The following RFX3 variants were observed in gnomAD, a reference collection of about 807,000 sequenced individuals.
The protein encoded by RFX3 is transcription factor RFX3.
A neutral mutation model predicts 98.6 loss-of-function variants in RFX3; 14 were observed. The ratio of observed to expected loss-of-function variants is 0.14; its 90% CI spans 0.09 to 0.22. The LOEUF (loss-of-function observed/expected upper bound fraction) is 0.22, where lower values mean the gene tolerates loss of function less well. Ranked by LOEUF, RFX3 falls within the 10% of genes least tolerant of loss-of-function variation. RFX3 has a pLI of 1.00. For synonymous variants in RFX3, 383 were observed against 328.4 expected (o/e 1.17, Z -1.80); for missense variants, 639 against 926.9 (o/e 0.69, Z 4.03).
At chr9:3,314,004 T>C (rs1391677381) in intron 4 of RFX3, among the ~76,000 whole-genome samples, 2 of 150,096 alleles carry the variant, frequency 1.3e-5, no homozygotes, top group African/African-American at 4.9e-5. Flanking sequence ...AACATTCAAA[T>C]TCAGGAAATA....
At chr9:3,482,935 T>C (rs1326619352) in intron 1 of RFX3, among the ~76,000 whole-genome samples, 4 of 152,144 alleles carry the variant, frequency 2.6e-5, no homozygotes, top group African/African-American at 9.6e-5. Context: ...CACAGTATAA[T>C]GGGAATTCTC....
chr9:3,382,759 ATT>A (rs1839324165), intron 2 of RFX3, among the ~76,000 whole-genome samples: 1 of 152,048 alleles, frequency 6.6e-6, no homozygotes, highest in African/African-American at 2.4e-5. Flanking sequence ...CTTGATAGTA[ATT>A]TTCAGGACAA....
At chr9:3,432,773 C>T (rs984797267) in intron 1 of RFX3, among the ~76,000 whole-genome samples, 1 of 152,102 alleles carries the variant, frequency 6.6e-6, no homozygotes, top group Admixed American at 6.6e-5. Flanking sequence ...GACAATATGG[C>T]AGAAGGGTTC....
chr9:3,288,034 C>A (rs138500861), intron 7 of RFX3, 97 bp downstream of exon 7: 1 of 1,120,712 alleles, frequency 8.9e-7, no homozygotes. Context: ...ACAATAAGAA[C>A]GTTCTTTTAT....
chr9:3,362,283 T>C (rs940723581), intron 2 of RFX3, among the ~76,000 whole-genome samples: 1 of 152,214 alleles, frequency 6.6e-6, no homozygotes, highest in African/African-American at 2.4e-5. Flanking sequence ...AAGAATGTGA[T>C]GAATGTCAAA....
intron 16 of RFX3, among the ~76,000 whole-genome samples, chr9:3,225,932 T>C (rs1348287003): frequency 2.0e-5 from 3 of 152,222 alleles, no homozygotes; most frequent in African/African-American, 7.2e-5. Flanking sequence ...ATACTGTTAA[T>C]AGCTGGTATT....
chr9:3,474,992 G>A (rs921551962), intron 1 of RFX3, among the ~76,000 whole-genome samples: 2 of 151,816 alleles, frequency 1.3e-5, no homozygotes, highest in African/African-American at 2.4e-5. Flanking sequence ...CTAGCTACTC[G>A]GGAGGCTGAG....
intron 1 of RFX3, among the ~76,000 whole-genome samples, chr9:3,398,914 TAAAAAAAAAA>T (rs71324247): frequency 1.8e-4 from 12 of 67,564 alleles, no homozygotes; most frequent in East Asian, 1.4e-3. Flanking sequence ...TAGAGTATAA[TAAAAAAAAAA>T]AAAAAAAAAA....
rs80332759 is a variant in RFX3 at position 3,346,926 on chromosome 9, G to T, written c.118-162C>A. The stretch of plus-strand genomic sequence containing the variant: ...TGTCATAGTTTCAAGATAAGCATGT[G>T]TTGATTCCAGAGCAACTGCAACATT... On this transcript the variant is annotated intron_variant, in intron 2 of 16. Transcript: ENST00000617270. Among the ~76,000 whole-genome samples, 1,167 of 152,312 alleles carry T rather than the reference G, an allele frequency of 7.7e-3. 10 individuals carry two copies. The highest frequency in any genetic ancestry group is 0.027 in the African/African-American group (1,107 of 41,558).
chr9:3,341,650 G>T (rs1354618759), intron 3 of RFX3, among the ~76,000 whole-genome samples: 2 of 152,124 alleles, frequency 1.3e-5, no homozygotes, highest in East Asian at 3.8e-4. Flanking sequence ...AATATAGATT[G>T]AGCACCGATC....
Position 3,224,807 on chromosome 9 carries a change from C to A in RFX3, c.*235G>T. 1 of 406,118 alleles carries A rather than the reference C, an allele frequency of 2.5e-6. No individual in the cohort carries two copies. The highest frequency in any genetic ancestry group is 4.4e-6 in the Non-Finnish European group (1 of 229,416). 25.2% of individuals were successfully genotyped at this position (406,118 alleles called of 1,614,324 possible). On this transcript the variant is annotated 3_prime_UTR_variant, in exon 17 of 17. Coordinates refer to ENST00000617270, the MANE Select transcript of RFX3 (RefSeq NM_001282116.2). ...GACATTAAGTGTTGTAAAAATCCTT[C>A]TTGACACCTGAAACTAAGGGAAAAA...
At chr9:3,489,782 A>G (rs10119982) in intron 1 of RFX3, among the ~76,000 whole-genome samples, 23,768 of 152,160 alleles carry the variant, frequency 0.16, 3,178 homozygotes, top group East Asian at 0.57. Context: ...TATGAGTCTC[A>G]TATTTGTGCT....
In RFX3 at chr9:3,394,794, G is replaced by C. The variant is rs371081025; in HGVS notation, c.117+678C>G. 92 of 979,014 alleles carry C rather than the reference G, an allele frequency of 9.4e-5. 2 individuals carry two copies. The African/African-American group carries it at 1.5e-3, about 15-fold the overall frequency. 60.6% of individuals were successfully genotyped at this position (979,014 alleles called of 1,614,324 possible). ...TCACTTATGTTCTCACCACTCTTTAGAAGAAATCACAGGCCAGTGTGTTCA... is the reference window on the plus strand; with the variant it reads ...TCACTTATGTTCTCACCACTCTTTACAAGAAATCACAGGCCAGTGTGTTCA... On this transcript the variant is annotated intron_variant, in intron 2 of 16. Coordinates refer to ENST00000617270, the MANE Select transcript of RFX3 (RefSeq NM_001282116.2).
At chr9:3,500,040 G>A (rs1030711065) in intron 1 of RFX3, among the ~76,000 whole-genome samples, 1 of 152,028 alleles carries the variant, frequency 6.6e-6, no homozygotes, top group African/African-American at 2.4e-5. Context: ...CACACTACAG[G>A]AAGCAGAGTA....
intron 1 of RFX3, chr9:3,524,635 T>G (rs760223984): frequency 8.1e-6 from 8 of 983,606 alleles, no homozygotes; most frequent in Non-Finnish European, 9.7e-6. Flanking sequence ...CTTCCTTGTG[T>G]CCCTTCCCTG....
chr9:3,357,612 G>T lies in RFX3; in HGVS notation c.118-10848C>A, dbSNP rs574228947. On this transcript the variant is annotated intron_variant, in intron 2 of 16. Coordinates refer to ENST00000617270, the MANE Select transcript of RFX3 (RefSeq NM_001282116.2). ...GGAAGGGAAATGAGGAAGGGAGGATGAAGAGAAGTTGGTTAATGGATACAA... is the reference window on the plus strand; with the variant it reads ...GGAAGGGAAATGAGGAAGGGAGGATTAAGAGAAGTTGGTTAATGGATACAA... Among the ~76,000 whole-genome samples, 4 of 152,094 alleles carry T rather than the reference G, an allele frequency of 2.6e-5. No individual in the cohort carries two copies. The East Asian group carries it at 7.7e-4, about 29-fold the overall frequency.
At chr9:3,277,515 T>A in intron 7 of RFX3, 54 bp from the exon 8 acceptor site, 1 of 1,502,396 alleles carries the variant, frequency 6.7e-7, no homozygotes, top group South Asian at 1.1e-5. Flanking sequence ...CTTGCTTTTT[T>A]GTACTACCCG....
At chr9:3,347,194 G>A (rs1426384862) in intron 2 of RFX3, among the ~76,000 whole-genome samples, 5 of 151,994 alleles carry the variant, frequency 3.3e-5, no homozygotes, top group South Asian at 2.1e-4. Flanking sequence ...GGCGGCATGC[G>A]CCTGTAGTCC....
chr9:3,508,225 A>G, intron 1 of RFX3, among the ~76,000 whole-genome samples: 1 of 151,958 alleles, frequency 6.6e-6, no homozygotes, highest in Non-Finnish European at 1.5e-5. Context: ...CTGCACATCC[A>G]ACAAATACAG....
Sources: gnomAD v4.1 joint callset for allele counts (sites outside exome capture counted in the v4.1 genomes callset) on GRCh38, gnomAD v4.1.1 for gene constraint, MANE v1.5 for transcripts, NCBI Gene and HGNC (gene_info 2026-07-23, HGNC 2026-07-21) for gene names.